ARHGAP15: variants seen among roughly 807,000 people sequenced by gnomAD.
The protein encoded by ARHGAP15 is Rho GTPase activating protein 15.
A neutral mutation model predicts 63.7 loss-of-function variants in ARHGAP15; 51 were observed. That is an observed-to-expected ratio of 0.80 (90% CI 0.64 to 1.01). ARHGAP15 has a LOEUF of 1.01. Among genes scored for constraint, ARHGAP15 ranks in the 50% least tolerant of loss-of-function variants. The pLI is 0.00. For synonymous variants in ARHGAP15, 191 were observed against 193.8 expected, an observed-to-expected ratio of 0.99 and a Z score of 0.12; for missense variants, 560 against 564.6, an observed-to-expected ratio of 0.99 and a Z score of 0.08.
intron 12 of ARHGAP15, among the ~76,000 whole-genome samples, chr2:143,652,599 T>C (rs1036001184): frequency 3.3e-5 from 5 of 152,124 alleles, no homozygotes; most frequent in Non-Finnish European, 7.4e-5. Flanking sequence ...TGAGGTCTTC[T>C]TTAATTTTTC....
intron 9 of ARHGAP15, among the ~76,000 whole-genome samples, chr2:143,488,426 C>T (rs771035360): frequency 5.3e-5 from 8 of 152,124 alleles, no homozygotes; most frequent in Non-Finnish European, 1.2e-4. Context: ...ACAGAATATA[C>T]AGACTAAATT....
intron 10 of ARHGAP15, among the ~76,000 whole-genome samples, chr2:143,545,124 G>T (rs1250635950): frequency 6.6e-6 from 1 of 152,208 alleles, no homozygotes; most frequent in Non-Finnish European, 1.5e-5. Flanking sequence ...AAATGGGTTT[G>T]TAGAATATTT....
intron 6 of ARHGAP15, among the ~76,000 whole-genome samples, chr2:143,369,774 C>G (rs756691893): frequency 6.6e-6 from 1 of 152,110 alleles, no homozygotes; most frequent in Non-Finnish European, 1.5e-5. Context: ...TTATGTAATA[C>G]AACAACTTTT....
chr2:143,697,230 T>A (rs1683890587), intron 12 of ARHGAP15, among the ~76,000 whole-genome samples: 1 of 152,164 alleles, frequency 6.6e-6, no homozygotes, highest in African/African-American at 2.4e-5. Flanking sequence ...TAGGAAAGCA[T>A]ACTAAATAGT....
intron 10 of ARHGAP15, among the ~76,000 whole-genome samples, chr2:143,546,599 A>G (rs933873551): frequency 1.3e-5 from 1 of 78,656 alleles, no homozygotes; most frequent in Non-Finnish European, 2.8e-5. Flanking sequence ...ATCTCAGGTT[A>G]TGCTGGTGTA....
intron 6 of ARHGAP15, among the ~76,000 whole-genome samples, chr2:143,343,572 G>C (rs370140248): frequency 6.6e-6 from 1 of 152,060 alleles, no homozygotes; most frequent in East Asian, 1.9e-4. Flanking sequence ...TTGGCAGTGT[G>C]GGGGGATGGA....
intron 6 of ARHGAP15, among the ~76,000 whole-genome samples, chr2:143,357,423 CA>C (rs939693705): frequency 3.7e-4 from 56 of 151,194 alleles, no homozygotes; most frequent in African/African-American, 1.2e-3. Flanking sequence ...TTGATAAATA[CA>C]AAAAAAGAAA....
intron 12 of ARHGAP15, among the ~76,000 whole-genome samples, chr2:143,675,406 A>G (rs1574823811): frequency 6.6e-6 from 1 of 152,314 alleles, no homozygotes; most frequent in East Asian, 1.9e-4. Flanking sequence ...AATGGCATCT[A>G]GGATGGTAAA....
chr2:143,290,898 A>G (rs1262490649), intron 6 of ARHGAP15, among the ~76,000 whole-genome samples: 1 of 152,152 alleles, frequency 6.6e-6, no homozygotes, highest in African/African-American at 2.4e-5. Context: ...AGAAAAGAAC[A>G]GAGCCAGCTA....
intron 6 of ARHGAP15, among the ~76,000 whole-genome samples, chr2:143,402,985 A>G (rs1165419457): frequency 6.6e-6 from 1 of 151,804 alleles, no homozygotes; most frequent in East Asian, 1.9e-4. Flanking sequence ...AAATATTAAA[A>G]CCTAGTTTCT....
intron 6 of ARHGAP15, among the ~76,000 whole-genome samples, chr2:143,371,944 T>C (rs568545229): frequency 6.6e-6 from 1 of 152,100 alleles, no homozygotes; most frequent in East Asian, 1.9e-4. Flanking sequence ...GAATAGGAAA[T>C]CTTACAAATC....
intron 10 of ARHGAP15, among the ~76,000 whole-genome samples, chr2:143,539,962 C>G (rs1009006920): frequency 4.6e-5 from 7 of 152,054 alleles, no homozygotes; most frequent in Non-Finnish European, 8.8e-5. Flanking sequence ...GTTGATCTGT[C>G]TAATGTTGAC....
intron 11 of ARHGAP15, among the ~76,000 whole-genome samples, chr2:143,612,720 A>G (rs531022382): frequency 6.6e-6 from 1 of 152,332 alleles, no homozygotes; most frequent in Non-Finnish European, 1.5e-5. Context: ...CCTGTCCTGT[A>G]TCACTAGCAG....
At chr2:143,692,927 T>C (rs1683675952) in intron 12 of ARHGAP15, among the ~76,000 whole-genome samples, 1 of 152,130 alleles carries the variant, frequency 6.6e-6, no homozygotes, top group South Asian at 2.1e-4. Flanking sequence ...AAAGTTGATA[T>C]TTTTTTCCCC....
chr2:143,624,273 T>C lies in ARHGAP15; in HGVS notation c.1138+6T>C. On this transcript the variant is annotated splice_donor_region_variant and intron_variant, in intron 12 of 13. Coordinates refer to ENST00000295095, the MANE Select transcript of ARHGAP15 (RefSeq NM_018460.4). Reference sequence around the variant, plus strand: ...GCAGTTTGTGGAAGCGATCAGTAAGTACCTCACAGAAAAGGGCAGGTGGTA... The same window carrying C: ...GCAGTTTGTGGAAGCGATCAGTAAGCACCTCACAGAAAAGGGCAGGTGGTA... The C allele has an allele frequency of 6.2e-7, 1 of 1,609,796 alleles. No homozygotes were observed. The highest frequency in any genetic ancestry group is 1.1e-5 in the South Asian group (1 of 90,566).
chr2:143,173,011 C>T (rs929916536), intron 2 of ARHGAP15, among the ~76,000 whole-genome samples: 4 of 151,960 alleles, frequency 2.6e-5, no homozygotes, highest in Non-Finnish European at 4.4e-5. Context: ...GTGAACCAGA[C>T]GATGTCAGTT....
At chr2:143,620,548 T>A (rs1157581302) in intron 11 of ARHGAP15, among the ~76,000 whole-genome samples, 1 of 152,176 alleles carries the variant, frequency 6.6e-6, no homozygotes, top group Non-Finnish European at 1.5e-5. Context: ...TTGCAATTAC[T>A]GTTTATTTGC....
intron 2 of ARHGAP15, among the ~76,000 whole-genome samples, chr2:143,193,740 C>T (rs1202079183): frequency 6.6e-6 from 1 of 152,156 alleles, no homozygotes. Flanking sequence ...CACTTTTCCA[C>T]CTTTGCATTA....
intron 6 of ARHGAP15, among the ~76,000 whole-genome samples, chr2:143,428,601 CATA>C (rs967895651): frequency 2.8e-4 from 43 of 151,962 alleles, no homozygotes; most frequent in Admixed American, 2.8e-3. Context: ...CAAAAATTTT[CATA>C]ATAATATACA....
Sources: allele counts gnomAD v4.1 joint callset (sites outside exome capture counted in the v4.1 genomes callset), GRCh38; gene constraint gnomAD v4.1.1; transcripts MANE v1.5; gene names NCBI Gene and HGNC (gene_info 2026-07-23, HGNC 2026-07-21).